HTR3B: variants seen among roughly 807,000 people sequenced by gnomAD.
HTR3B encodes the protein 5-hydroxytryptamine (serotonin) receptor 3B, ionotropic.
A neutral mutation model predicts 42.8 loss-of-function variants in HTR3B; 44 were observed. The observed-to-expected ratio is 1.03, with a 90% CI of 0.81 to 1.32. The LOEUF (loss-of-function observed/expected upper bound fraction) is 1.32, where lower values mean the gene tolerates loss of function less well. Among genes scored for constraint, HTR3B ranks in the 40% most tolerant of loss-of-function variants. The pLI is 0.00. For missense variants in HTR3B, 527 were observed against 536.5 expected (o/e 0.98, Z 0.17); for synonymous variants, 203 against 209.0 (o/e 0.97, Z 0.25).
chr11:113,900,350 T>C (rs1949689325), upstream of HTR3B, among the ~76,000 whole-genome samples: 2 of 152,106 alleles, frequency 1.3e-5, no homozygotes, highest in Non-Finnish European at 2.9e-5. Context: ...GAATGAGACT[T>C]ACCCCCACAC....
At chr11:113,902,905 A>G (rs2137477479), upstream of HTR3B, among the ~76,000 whole-genome samples, 1 of 151,632 alleles carries the variant, frequency 6.6e-6, no homozygotes, top group African/African-American at 2.4e-5. Flanking sequence ...GTCTACCTCT[A>G]TTGCCCAGGC....
At chr11:113,923,772 T>C (rs986282164) in intron 2 of HTR3B, among the ~76,000 whole-genome samples, 3 of 152,212 alleles carry the variant, frequency 2.0e-5, no homozygotes, top group African/African-American at 7.2e-5. Flanking sequence ...GAACCAATTA[T>C]GTTCACCAGC....
intron 8 of HTR3B, among the ~76,000 whole-genome samples, chr11:113,945,428 AC>A (rs1950169221): frequency 6.6e-6 from 1 of 152,100 alleles, no homozygotes; most frequent in African/African-American, 2.4e-5. Flanking sequence ...AGCCTACCGC[AC>A]CCAGCCTATT....
At position 113,943,119 on chromosome 11, in the gene HTR3B, G is replaced by T; in HGVS notation, c.834G>T (p.Leu278=). ...GGATTGTGTTCAAGACCAGTGTGCT[G>T]GTGGGCTACACCGTCTTCAGGGTCA... ...RARIVFKTSV[L]VGYTVFRVNM... Residue 278 remains leucine, a synonymous_variant, in exon 7 of 9, where the codon CTG becomes CTT. Transcript: ENST00000260191. 6.2e-7 allele frequency: 1 copy of T among 1,614,106 alleles called. No homozygotes were observed. The highest frequency in any genetic ancestry group is 1.1e-5 in the South Asian group (1 of 91,074).
intron 1 of HTR3B, chr11:113,909,039 G>A (rs1482927249): frequency 5.4e-6 from 3 of 560,480 alleles, no homozygotes; most frequent in Non-Finnish European, 9.3e-6. Flanking sequence ...TGGAATTGTA[G>A]GTACAGTTTT....
chr11:113,904,391 T>A (rs1031520259), upstream of HTR3B, among the ~76,000 whole-genome samples: 1 of 152,248 alleles, frequency 6.6e-6, no homozygotes, highest in Admixed American at 6.5e-5. Context: ...TTGTTTGCAG[T>A]TGTTCTTCAT....
chr11:113,906,828 A>AT (rs1433667266), intron 1 of HTR3B, among the ~76,000 whole-genome samples: 1 of 152,226 alleles, frequency 6.6e-6, no homozygotes, highest in South Asian at 2.1e-4. Context: ...TACCTGTCTC[A>AT]TAAGTTTGTT....
intron 6 of HTR3B, among the ~76,000 whole-genome samples, chr11:113,935,430 AG>A (rs1233636037): frequency 8.0e-6 from 1 of 124,748 alleles, no homozygotes; most frequent in African/African-American, 2.6e-5. Context: ...GGAGCAGAGT[AG>A]GGAGAGAATC....
intron 2 of HTR3B, among the ~76,000 whole-genome samples, chr11:113,929,445 T>C (rs1950009446): frequency 6.6e-6 from 1 of 152,192 alleles, no homozygotes; most frequent in Non-Finnish European, 1.5e-5. Context: ...ACCTTTTCAC[T>C]GTATACTCAC....
At position 113,909,359 on chromosome 11, in the gene HTR3B, A is replaced by G. The variant is rs373098082; in HGVS notation, c.117A>G (p.Leu39=). The G allele has an allele frequency of 6.2e-7, 1 of 1,612,610 alleles. No homozygotes were observed. Among genetic ancestry groups the G allele is most frequent in the Non-Finnish European group, 8.5e-7 (1 of 1,178,552 alleles). Residue 39 remains leucine, a synonymous_variant, in exon 2 of 9, where the codon CTA becomes CTG. Transcript: ENST00000260191. ...DSALYHLSKQ[L]LQKYHKEVRP... ...CTCTGTATCATCTCAGCAAGCAGCT[A>G]TTACAGAAATATCATAAAGAAGTGA...
intron 2 of HTR3B, among the ~76,000 whole-genome samples, chr11:113,918,331 T>C (rs909885711): frequency 5.3e-5 from 8 of 151,926 alleles, no homozygotes; most frequent in Non-Finnish European, 7.4e-5. Context: ...TGTAGCTTTT[T>C]GTAATCAGCA....
intron 2 of HTR3B, among the ~76,000 whole-genome samples, chr11:113,930,487 CTTTTT>C (rs528919776): frequency 8.2e-6 from 1 of 121,938 alleles, no homozygotes. Context: ...TTTCTTTTCT[CTTTTT>C]TTTTTTTTTT....
intron 2 of HTR3B, among the ~76,000 whole-genome samples, chr11:113,911,590 C>T (rs111714995): frequency 4.0e-5 from 6 of 148,466 alleles, no homozygotes; most frequent in African/African-American, 1.5e-4. Flanking sequence ...GCTGTGGCAC[C>T]ATCTTGGCTC....
At chr11:113,903,707 C>T (rs1949712627), upstream of HTR3B, among the ~76,000 whole-genome samples, 2 of 152,148 alleles carry the variant, frequency 1.3e-5, no homozygotes, top group Admixed American at 1.3e-4. Flanking sequence ...GGATTACAGG[C>T]TTGAGCCACC....
chr11:113,908,634 A>G (rs1311112811), intron 1 of HTR3B, among the ~76,000 whole-genome samples: 1 of 152,212 alleles, frequency 6.6e-6, no homozygotes, highest in Non-Finnish European at 1.5e-5. Flanking sequence ...CAGCTCCTCT[A>G]CAAATCAAGA....
intron 2 of HTR3B, 95 bp downstream of exon 2, chr11:113,909,550 T>C (rs1208235709): frequency 7.9e-6 from 8 of 1,014,896 alleles, no homozygotes; most frequent in East Asian, 2.6e-5. Flanking sequence ...ATTCTTGAGA[T>C]TGTAGTTGAA....
the HTR3B span, among the ~76,000 whole-genome samples, chr11:113,899,670 G>A: frequency 1.3e-5 from 2 of 152,178 alleles, no homozygotes. Flanking sequence ...TAGTCTTAAA[G>A]GACGCATAAC....
At chr11:113,902,520 C>G (rs1425224208), upstream of HTR3B, among the ~76,000 whole-genome samples, 3 of 152,134 alleles carry the variant, frequency 2.0e-5, no homozygotes, top group African/African-American at 7.2e-5. Flanking sequence ...TGGCCTTGAA[C>G]TCCTGATCTC....
rs1159330525 is a variant in HTR3B at position 113,948,522 on chromosome 11, T to C, written c.*2385T>C. Among the ~76,000 whole-genome samples, 1 of 152,192 alleles carries C rather than the reference T, an allele frequency of 6.6e-6. No individual in the cohort carries two copies. Among genetic ancestry groups the C allele is most frequent in the African/African-American group, 2.4e-5 (1 of 41,448 alleles). The stretch of plus-strand genomic sequence containing the variant: ...GCTGTTTATATTTGCTCTACCCCTA[T>C]CAAAGAGTTATGAGGATCAAAATGA... On this transcript the variant is annotated 3_prime_UTR_variant, in exon 9 of 9. Transcript: ENST00000260191.
Sources: gnomAD v4.1 joint callset for allele counts (sites outside exome capture counted in the v4.1 genomes callset) on GRCh38, gnomAD v4.1.1 for gene constraint, MANE v1.5 for transcripts, NCBI Gene and HGNC (gene_info 2026-07-23, HGNC 2026-07-21) for gene names.